ST3GAL5: variants seen among roughly 807,000 people sequenced by gnomAD.
ST3GAL5 encodes lactosylceramide alpha-2,3-sialyltransferase.
A neutral mutation model predicts 46.1 loss-of-function variants in ST3GAL5; 25 were observed. The ratio of observed to expected loss-of-function variants is 0.54; its 90% CI spans 0.40 to 0.76. The LOEUF is 0.76. Ranked by LOEUF, ST3GAL5 falls within the 30% of genes least tolerant of loss-of-function variation. The pLI is 0.00. For synonymous variants in ST3GAL5, 182 were observed against 192.7 expected (o/e 0.94, Z 0.46); for missense variants, 431 against 521.2 (o/e 0.83, Z 1.69).
chr2:85,888,787 G>C, intron 1 of ST3GAL5, 37 bp downstream of exon 1: 1 of 1,181,864 alleles, frequency 8.5e-7, no homozygotes, highest in South Asian at 4.1e-5. Flanking sequence ...CAGCCCGCGG[G>C]CCCCCGCGAC....
rs112061080 is a variant in ST3GAL5 at position 85,857,199 on chromosome 2, C to T, written c.318+3982G>A. ...AGTTGAGGCTGCAGTGAGCAATGAT[C>T]GGGCCACTGCACTTCAGCCTGGGTG... is the stretch of plus-strand genomic sequence containing the variant. On this transcript the variant is annotated intron_variant, in intron 3 of 6. Transcript: ENST00000638572. Among the ~76,000 whole-genome samples, 779 of 150,236 alleles carry T rather than the reference C, an allele frequency of 5.2e-3. 9 individuals are homozygous for T. The highest frequency in any genetic ancestry group is 0.018 in the African/African-American group (722 of 40,726).
At chr2:85,881,151 T>G (rs761510530) in intron 1 of ST3GAL5, among the ~76,000 whole-genome samples, 1 of 152,234 alleles carries the variant, frequency 6.6e-6, no homozygotes, top group Non-Finnish European at 1.5e-5. Context: ...CATTCTCTCT[T>G]GCTGCTGCCA....
At chr2:85,864,868 T>C (rs1306336872) in intron 1 of ST3GAL5, among the ~76,000 whole-genome samples, 1 of 152,186 alleles carries the variant, frequency 6.6e-6, no homozygotes, top group Non-Finnish European at 1.5e-5. Context: ...AAGACTAAGT[T>C]TTAGCCAATG....
In ST3GAL5 at chr2:85,839,724, C is replaced by T; in HGVS notation, c.*420G>A. ...GGAGTGGATCCTCCGTGGGTCACAC[C>T]AAGCAGCGCAGCAGGGAACCAGAAT... On this transcript the variant is annotated 3_prime_UTR_variant, in exon 7 of 7. Transcript: ENST00000638572. 1 of 302,454 alleles carries T rather than the reference C, an allele frequency of 3.3e-6. No homozygotes were observed. Among genetic ancestry groups the T allele is most frequent in the Non-Finnish European group, 6.4e-6 (1 of 155,868 alleles). The allele number at this position is 302,454 out of a possible 1,614,324, so 18.7% of individuals were successfully genotyped here. A position where few individuals can be genotyped will look rare whatever the true frequency, so the allele number is the denominator to read the frequency against.
intron 1 of ST3GAL5, among the ~76,000 whole-genome samples, chr2:85,877,726 C>T (rs1350600554): frequency 6.6e-6 from 1 of 152,070 alleles, no homozygotes; most frequent in East Asian, 1.9e-4. Flanking sequence ...TAGATTCTTG[C>T]AGGAGAAGGA....
At chr2:85,845,699 G>A (rs551937624) in intron 5 of ST3GAL5, 18 of 137,370 alleles carry the variant, frequency 1.3e-4, no homozygotes, top group African/African-American at 4.7e-4. Context: ...GGTACTTTCC[G>A]ATTTCAACTG....
At chr2:85,840,951 A>G (rs1681980841) in intron 6 of ST3GAL5, among the ~76,000 whole-genome samples, 1 of 150,092 alleles carries the variant, frequency 6.7e-6, no homozygotes, top group East Asian at 1.9e-4. Context: ...TCAAAAAAAA[A>G]AAAAAAAAAA....
intron 3 of ST3GAL5, chr2:85,850,281 A>G (rs563097359): frequency 6.6e-6 from 1 of 152,392 alleles, no homozygotes; most frequent in South Asian, 2.1e-4. Context: ...GCACCTTGCA[A>G]GACGATCATT....
chr2:85,869,386 CT>C (rs34172834), intron 1 of ST3GAL5, among the ~76,000 whole-genome samples: 654 of 145,654 alleles, frequency 4.5e-3, no homozygotes, highest in African/African-American at 0.01. Context: ...TTTTGCATTC[CT>C]TTTTTTTTTT....
chr2:85,884,643 A>C (rs1237252034), intron 1 of ST3GAL5, among the ~76,000 whole-genome samples: 1 of 152,052 alleles, frequency 6.6e-6, no homozygotes, highest in Non-Finnish European at 1.5e-5. Flanking sequence ...TACTTGTCCT[A>C]CTCTTTTCTG....
rs1558676925 is a variant in ST3GAL5, at chr2:85,861,281, A to T, written c.218T>A (p.Leu73His). The T allele has an allele frequency of 6.2e-7, 1 of 1,605,378 alleles. No individual in the cohort carries two copies. Among genetic ancestry groups the T allele is most frequent in the African/African-American group, 1.3e-5 (1 of 74,738 alleles). ...ATAAAGGATCCACACTCCAAACACAAGCAATGTACATCTGGAAAAAAATCA... is the reference window on the plus strand; with the variant it reads ...ATAAAGGATCCACACTCCAAACACATGCAATGTACATCTGGAAAAAAATCA... ...LLKDILKCTL[L>H]VFGVWILYIL... is the part of the protein sequence containing the mutation. The change falls in exon 3 of 7, where the codon CTT (leucine) becomes CAT (histidine). Residue 73 changes from leucine to histidine, a missense_variant. By Grantham distance (99) the Leu-to-His change is moderately conservative (BLOSUM62 -3). Coordinates refer to ENST00000638572, the MANE Select transcript of ST3GAL5 (RefSeq NM_003896.4).
intron 5 of ST3GAL5, 99 bp from the exon 6 acceptor site, chr2:85,844,653 G>A (rs1295963869): frequency 2.6e-6 from 4 of 1,531,318 alleles, no homozygotes; most frequent in Non-Finnish European, 3.6e-6. Flanking sequence ...ACCCCATGTG[G>A]CCCTGTGCAC....
chr2:85,856,389 CAG>C (rs1250480400), intron 3 of ST3GAL5: 1 of 152,086 alleles, frequency 6.6e-6, no homozygotes, highest in African/African-American at 2.4e-5. Flanking sequence ...TCTATACAGA[CAG>C]AAAGTAGATT....
intron 4 of ST3GAL5, chr2:85,847,538 C>T (rs1042639841): frequency 1.8e-6 from 2 of 1,102,124 alleles, no homozygotes; most frequent in Non-Finnish European, 2.2e-6. Flanking sequence ...TGGAGCCACA[C>T]TGACCAAGAG....
At chr2:85,857,408 A>G (rs62147536) in intron 3 of ST3GAL5, among the ~76,000 whole-genome samples, 45,173 of 151,198 alleles carry the variant, frequency 0.3, 7,195 homozygotes, top group East Asian at 0.54. Flanking sequence ...GTGGTGGCAC[A>G]TGCCTGTAAT....
intron 3 of ST3GAL5, among the ~76,000 whole-genome samples, chr2:85,852,545 C>T (rs1683631102): frequency 6.6e-6 from 1 of 151,904 alleles, no homozygotes; most frequent in African/African-American, 2.4e-5. Context: ...ACTATAAACT[C>T]AACCAGTTGG....
chr2:85,863,731 G>A (rs536239229), intron 1 of ST3GAL5, among the ~76,000 whole-genome samples: 75 of 150,326 alleles, frequency 5.0e-4, no homozygotes, highest in Non-Finnish European at 9.2e-4. Context: ...TTTCTGAGAC[G>A]GAGTCTTGCT....
chr2:85,858,468 G>A lies in ST3GAL5; in HGVS notation c.318+2713C>T, dbSNP rs570791783. ...TGGGATTACAGGTGCCTGCCACCAC[G>A]CCCAGCTAATTTCTGTATTTTTAGT... On this transcript the variant is annotated intron_variant, in intron 3 of 6. Transcript: ENST00000638572. Among the ~76,000 whole-genome samples, 4 of 152,184 alleles carry A rather than the reference G, an allele frequency of 2.6e-5. No homozygotes were observed. In the South Asian group the frequency reaches 8.3e-4, roughly 32 times the overall value.
At chr2:85,840,437 C>T (rs768864905) in intron 6 of ST3GAL5, 45 bp from the exon 7 acceptor site, 1 of 1,605,670 alleles carries the variant, frequency 6.2e-7, no homozygotes, top group Non-Finnish European at 8.5e-7. Flanking sequence ...AAAATTTTGG[C>T]ACAAGTCACC....
Sources: allele counts gnomAD v4.1 joint callset (sites outside exome capture counted in the v4.1 genomes callset), GRCh38; gene constraint gnomAD v4.1.1; transcripts MANE v1.5; gene names NCBI Gene and HGNC (gene_info 2026-07-23, HGNC 2026-07-21).